The following MTA3 variants were observed in gnomAD, a reference collection of about 807,000 sequenced individuals.
MTA3 encodes metastasis-associated protein MTA3.
A neutral mutation model predicts 83.5 loss-of-function variants in MTA3; 34 were observed. The ratio of observed to expected loss-of-function variants is 0.41; its 90% CI spans 0.31 to 0.54. The LOEUF (loss-of-function observed/expected upper bound fraction) is 0.54. Ranked by LOEUF, MTA3 falls within the 20% of genes least tolerant of loss-of-function variation. MTA3 has a pLI of 0.33. For missense variants in MTA3, 761 were observed against 726.4 expected (o/e 1.05, Z -0.55); for synonymous variants, 303 against 252.7 (o/e 1.20, Z -1.89).
rs60877713 is a variant in MTA3 at position 42,518,968 on chromosome 2, AACACACACACACACACACACACACACAC to A, written c.-141+23749_-141+23776del. 5.1e-3 allele frequency among the ~76,000 whole-genome samples: 587 copies of A among 114,686 alleles called. 5 individuals carry two copies. The highest frequency in any genetic ancestry group is 0.017 in the African/African-American group (509 of 29,974). 75.2% of individuals were successfully genotyped at this position (114,686 alleles called of 152,430 possible). On this transcript the variant is annotated intron_variant, in intron 2 of 17. Coordinates refer to the MTA3 transcript ENST00000405592. ...GTGACAGAGTGAGACCCTTTCTCAAAACACACACACACACACACACACACACACACACACACACACACACACACACACA... is the reference window on the plus strand; with the variant it reads ...GTGACAGAGTGAGACCCTTTCTCAAAACACACACACACACACACACACACA...
intron 5 of MTA3, among the ~76,000 whole-genome samples, chr2:42,643,172 A>G (rs1240667009): frequency 2.0e-5 from 3 of 151,470 alleles, no homozygotes; most frequent in Non-Finnish European, 4.4e-5. Context: ...TTATCACAGT[A>G]TGTAAGAACT....
intron 16 of MTA3, among the ~76,000 whole-genome samples, chr2:42,748,003 T>C (rs770963330): frequency 4.6e-5 from 7 of 151,886 alleles, no homozygotes; most frequent in Non-Finnish European, 8.8e-5. Flanking sequence ...TTTTTGCCAC[T>C]ATAGATTCAT....
At chr2:42,683,104 A>G (rs1347408783) in intron 9 of MTA3, among the ~76,000 whole-genome samples, 1 of 152,192 alleles carries the variant, frequency 6.6e-6, no homozygotes, top group African/African-American at 2.4e-5. Flanking sequence ...CCCCTACACT[A>G]TCAGGAAGTC....
intron 2 of MTA3, among the ~76,000 whole-genome samples, chr2:42,517,388 A>G (rs1191869567): frequency 6.6e-6 from 1 of 151,942 alleles, no homozygotes. Flanking sequence ...CATGGCCAAC[A>G]TGGTGAAACC....
At chr2:42,510,400 C>G (rs903705199) in intron 2 of MTA3, among the ~76,000 whole-genome samples, 1 of 151,728 alleles carries the variant, frequency 6.6e-6, no homozygotes, top group Non-Finnish European at 1.5e-5. Context: ...ATTCCTTACT[C>G]AGCAGATGCT....
intron 9 of MTA3, 81 bp downstream of exon 9, chr2:42,682,670 C>T: frequency 3.9e-6 from 5 of 1,278,936 alleles, no homozygotes; most frequent in African/African-American, 1.5e-5. Context: ...TTACAGTATT[C>T]ATTTAGCAAG....
chr2:42,508,919 TGGG>T (rs1051704168), intron 2 of MTA3, among the ~76,000 whole-genome samples: 1 of 149,366 alleles, frequency 6.7e-6, no homozygotes, highest in African/African-American at 2.4e-5. Context: ...GTATATATGT[TGGG>T]GGAAAGGGGT....
chr2:42,739,766 C>CT (rs771179982), intron 16 of MTA3, among the ~76,000 whole-genome samples: 11 of 152,226 alleles, frequency 7.2e-5, no homozygotes, highest in Non-Finnish European at 1.2e-4. Flanking sequence ...ATGTAATATT[C>CT]TAAGTCCTTT....
chr2:42,663,388 G>A (rs1409445928), intron 8 of MTA3, among the ~76,000 whole-genome samples: 5 of 152,134 alleles, frequency 3.3e-5, no homozygotes, highest in Non-Finnish European at 1.5e-5. Flanking sequence ...TTAGAGGTTT[G>A]GTATTTGTTG....
intron 15 of MTA3, among the ~76,000 whole-genome samples, chr2:42,721,841 A>C (rs757936367): frequency 3.3e-5 from 5 of 152,258 alleles, no homozygotes; most frequent in Non-Finnish European, 7.4e-5. Context: ...TGGAGCATAG[A>C]CTGTGGAGGT....
chr2:42,548,546 C>T (rs1392434626), intron 2 of MTA3, among the ~76,000 whole-genome samples: 1 of 151,282 alleles, frequency 6.6e-6, no homozygotes, highest in Admixed American at 6.6e-5. Flanking sequence ...AATTCCAGCA[C>T]TTTGGAAGGC....
rs1311693558 is a variant in MTA3, at chr2:42,517,386, A to G, written c.-141+22132A>G. Among the ~76,000 whole-genome samples, 5 of 152,100 alleles carry G rather than the reference A, an allele frequency of 3.3e-5. No individual in the cohort carries two copies. In the East Asian group the frequency reaches 9.6e-4, roughly 29 times the overall value. On this transcript the variant is annotated intron_variant, in intron 2 of 17. Transcript: ENST00000405592. The stretch of plus-strand genomic sequence containing the variant: ...CAGGAGGTCAAGACCGGCATGGCCA[A>G]CATGGTGAAACCTCATCTCTACTAA...
chr2:42,549,547 A>C (rs1676996935), intron 2 of MTA3, among the ~76,000 whole-genome samples: 1 of 112,316 alleles, frequency 8.9e-6, no homozygotes, highest in African/African-American at 3.7e-5. Context: ...TATATTACAT[A>C]ATATATATTA....
chr2:42,551,480 C>A (rs1451190784), intron 2 of MTA3, among the ~76,000 whole-genome samples: 2 of 152,088 alleles, frequency 1.3e-5, no homozygotes, highest in African/African-American at 4.8e-5. Context: ...CCTGAGTCAC[C>A]ACGCTGGCTT....
chr2:42,697,643 A>G (rs1053748548), intron 10 of MTA3, 133 bp from the exon 11 acceptor site: 11 of 622,406 alleles, frequency 1.8e-5, no homozygotes, highest in African/African-American at 1.7e-4. Flanking sequence ...GAATATGCAT[A>G]TGAAAGAAAA....
At chr2:42,495,484 T>C (rs1280810198) in intron 2 of MTA3, among the ~76,000 whole-genome samples, 2 of 152,198 alleles carry the variant, frequency 1.3e-5, no homozygotes, top group African/African-American at 4.8e-5. Context: ...CTTTGCTGTT[T>C]AGTATCTACT....
intron 3 of MTA3, among the ~76,000 whole-genome samples, chr2:42,596,419 C>A (rs1681795693): frequency 6.6e-6 from 1 of 152,110 alleles, no homozygotes; most frequent in Non-Finnish European, 1.5e-5. Context: ...TTTTCTCTTG[C>A]TATTTTATGG....
intron 12 of MTA3, among the ~76,000 whole-genome samples, chr2:42,706,424 A>G (rs1398589080): frequency 1.3e-5 from 2 of 152,248 alleles, no homozygotes; most frequent in African/African-American, 4.8e-5. Context: ...AAAGCCTAAA[A>G]TAATAATCCT....
In MTA3 at chr2:42,756,811, C is replaced by T. The variant is rs567168581; in HGVS notation, c.*3412C>T. The T allele has an allele frequency of 3.2e-5, 32 of 985,424 alleles. No individual in the cohort carries two copies. Among genetic ancestry groups the T allele is most frequent in the East Asian group, 2.3e-4 (2 of 8,812 alleles). The allele number at this position is 985,424 out of a possible 1,614,324, so 61.0% of individuals were successfully genotyped here. On this transcript the variant is annotated 3_prime_UTR_variant, in exon 17 of 17. Transcript: ENST00000405094. ...CTGCCAGGGAAGCTAACCCAGAGCACGCACCTGTGCTCATGAGTGTTTCCG... is the reference window on the plus strand; with the variant it reads ...CTGCCAGGGAAGCTAACCCAGAGCATGCACCTGTGCTCATGAGTGTTTCCG...
Sources: gnomAD v4.1 joint callset for allele counts (sites outside exome capture counted in the v4.1 genomes callset) on GRCh38, gnomAD v4.1.1 for gene constraint, MANE v1.5 for transcripts, NCBI Gene and HGNC (gene_info 2026-07-23, HGNC 2026-07-21) for gene names.